CDK17: variants seen among roughly 807,000 people sequenced by gnomAD.
CDK17 encodes cyclin-dependent kinase 17.
CDK17 carries 24 observed loss-of-function variants against 77.6 expected under a neutral mutation model. That is an observed-to-expected ratio of 0.31 (90% CI 0.22 to 0.44). The LOEUF is 0.44. Among genes scored for constraint, CDK17 ranks in the 20% least tolerant of loss-of-function variants. CDK17 has a pLI of 1.00. For synonymous variants in CDK17, 203 were observed against 210.4 expected (o/e 0.96, Z 0.30); for missense variants, 429 against 622.5 (o/e 0.69, Z 3.31).
At position 96,282,573 on chromosome 12, in the gene CDK17, A is replaced by C. The variant is rs137990615; in HGVS notation, c.1392T>G (p.Ala464=). Residue 464 remains alanine (A), a synonymous_variant, in exon 15 of 17, where the codon GCT becomes GCG. Coordinates refer to ENST00000261211, the MANE Select transcript of CDK17 (RefSeq NM_002595.5). ...LQYESKKRVS[A]EEAMKHVYFR... Reference sequence around the variant, plus strand: ...AGTACACATGTTTCATGGCCTCTTCAGCTGAAACCCTTTTCTTAGATTCAT... The same window carrying C: ...AGTACACATGTTTCATGGCCTCTTCCGCTGAAACCCTTTTCTTAGATTCAT... The C allele has an allele frequency of 9.5e-5, 153 of 1,612,414 alleles. 3 individuals are homozygous for C. The South Asian group carries it at 1.3e-3, about 14-fold the overall frequency.
intron 1 of CDK17, among the ~76,000 whole-genome samples, chr12:96,355,764 T>G (rs1354301660): frequency 6.6e-6 from 1 of 152,212 alleles, no homozygotes; most frequent in Non-Finnish European, 1.5e-5. Context: ...GAACAGGGAA[T>G]TAATATATTT....
At chr12:96,291,569 G>A (rs1479063546) in intron 10 of CDK17, among the ~76,000 whole-genome samples, 1 of 151,534 alleles carries the variant, frequency 6.6e-6, no homozygotes, top group Non-Finnish European at 1.5e-5. Flanking sequence ...GGGATTACAG[G>A]TGTCAGCAAC....
chr12:96,399,224 G>C (rs1294102879), intron 1 of CDK17: 2 of 152,310 alleles, frequency 1.3e-5, no homozygotes, highest in Admixed American at 1.3e-4. Context: ...AAAAGCATCG[G>C]GCATAGCATC....
chr12:96,358,100 A>G (rs1236256959), intron 1 of CDK17, among the ~76,000 whole-genome samples: 1 of 152,190 alleles, frequency 6.6e-6, no homozygotes, highest in Non-Finnish European at 1.5e-5. Context: ...TTATAAAAAT[A>G]AAAACACACA....
intron 11 of CDK17, among the ~76,000 whole-genome samples, chr12:96,287,321 T>C (rs1488582880): frequency 6.6e-6 from 1 of 152,146 alleles, no homozygotes; most frequent in Non-Finnish European, 1.5e-5. Flanking sequence ...GTTCAGAGAA[T>C]AGAATGGTGG....
intron 1 of CDK17, among the ~76,000 whole-genome samples, chr12:96,369,134 T>C (rs1289557384): frequency 6.6e-6 from 1 of 151,976 alleles, no homozygotes; most frequent in Non-Finnish European, 1.5e-5. Flanking sequence ...ATCAAATTGG[T>C]AATTCAAACA....
At chr12:96,323,624 T>TA (rs11378970) in intron 3 of CDK17, among the ~76,000 whole-genome samples, 66,615 of 151,974 alleles carry the variant, frequency 0.44, 15,637 homozygotes, top group African/African-American at 0.6. Context: ...TAATAGGCTT[T>TA]ATATGGTGAT....
At chr12:96,308,661 C>CAG (rs143685211) in intron 5 of CDK17, among the ~76,000 whole-genome samples, 30,030 of 150,294 alleles carry the variant, frequency 0.2, 3,174 homozygotes, top group South Asian at 0.31. Context: ...CCCGGGGAGG[C>CAG]AGACTGCAGT....
intron 1 of CDK17, among the ~76,000 whole-genome samples, chr12:96,377,755 G>A (rs1291505455): frequency 1.4e-5 from 2 of 146,646 alleles, no homozygotes; most frequent in African/African-American, 5.1e-5. Flanking sequence ...GTGCAGTGGT[G>A]CGATCTCGGC....
intron 1 of CDK17, among the ~76,000 whole-genome samples, chr12:96,378,085 G>C (rs367882781): frequency 6.6e-6 from 1 of 152,090 alleles, no homozygotes; most frequent in African/African-American, 2.4e-5. Flanking sequence ...CTCAGTTTCC[G>C]CTAGTAAGAT....
chr12:96,300,295 T>C lies in CDK17; in HGVS notation c.600+9A>G, dbSNP rs561890216. On this transcript the variant is annotated intron_variant, in intron 6 of 16. Transcript: ENST00000261211. ...AAATGTGTCTTACATTTTTGAGATA[T>C]TTACTTACCTCTCCAAGCTTTTCCA... 3 of 1,564,876 alleles carry C rather than the reference T, an allele frequency of 1.9e-6. No individual in the cohort carries two copies. Among genetic ancestry groups the C allele is most frequent in the African/African-American group, 1.4e-5 (1 of 73,016 alleles).
intron 3 of CDK17, among the ~76,000 whole-genome samples, chr12:96,316,260 C>T (rs1452681586): frequency 2.6e-5 from 4 of 152,162 alleles, no homozygotes; most frequent in Non-Finnish European, 5.9e-5. Flanking sequence ...GCTTAAAAAA[C>T]GGCGCACCAC....
intron 3 of CDK17, among the ~76,000 whole-genome samples, chr12:96,323,297 A>G (rs2137124929): frequency 6.8e-6 from 1 of 146,914 alleles, no homozygotes; most frequent in South Asian, 2.1e-4. Context: ...AAAACAAACA[A>G]ACAAACAAAT....
intron 1 of CDK17, among the ~76,000 whole-genome samples, chr12:96,398,007 T>A: frequency 6.6e-6 from 1 of 151,482 alleles, no homozygotes; most frequent in Non-Finnish European, 1.5e-5. Flanking sequence ...TTAATGTCTC[T>A]ATATTAAACA....
At chr12:96,348,820 A>C (rs1301127301) in intron 1 of CDK17, among the ~76,000 whole-genome samples, 3 of 152,158 alleles carry the variant, frequency 2.0e-5, no homozygotes, top group Non-Finnish European at 2.9e-5. Flanking sequence ...AATCAGTATA[A>C]AACACTTCCA....
intron 10 of CDK17, among the ~76,000 whole-genome samples, chr12:96,289,774 T>C (rs569431191): frequency 4.5e-4 from 68 of 152,302 alleles, no homozygotes; most frequent in African/African-American, 1.4e-3. Context: ...CATAATCTCA[T>C]TGAGATTTAC....
intron 2 of CDK17, 145 bp downstream of exon 2, chr12:96,334,574 T>C (rs918380167): frequency 6.6e-5 from 37 of 561,508 alleles, no homozygotes; most frequent in African/African-American, 6.1e-4. Flanking sequence ...AAAAGTTATA[T>C]AGTCTTCAAT....
intron 5 of CDK17, among the ~76,000 whole-genome samples, chr12:96,300,854 C>T (rs903094463): frequency 6.6e-6 from 1 of 152,026 alleles, no homozygotes; most frequent in Middle Eastern, 3.2e-3. Flanking sequence ...TTCAAAGGTT[C>T]AAAAATATCA....
intron 1 of CDK17, among the ~76,000 whole-genome samples, chr12:96,356,938 G>T (rs576111904): frequency 6.6e-6 from 1 of 152,260 alleles, no homozygotes; most frequent in African/African-American, 2.4e-5. Context: ...CTTCCATCAT[G>T]AATAATAAAT....
Sources: gnomAD v4.1 joint callset for allele counts (sites outside exome capture counted in the v4.1 genomes callset) on GRCh38, gnomAD v4.1.1 for gene constraint, MANE v1.5 for transcripts, NCBI Gene and HGNC (gene_info 2026-07-23, HGNC 2026-07-21) for gene names.